Variants in FAM149B1 observed in about 807,000 individuals in gnomAD.
The protein encoded by FAM149B1 is primary cilium assembly protein FAM149B1.
FAM149B1 carries 56 observed loss-of-function variants against 75.3 expected under a neutral mutation model. That is an observed-to-expected ratio of 0.74 (90% CI 0.60 to 0.93). The LOEUF (loss-of-function observed/expected upper bound fraction) is 0.93. Among genes scored for constraint, FAM149B1 ranks in the 40% least tolerant of loss-of-function variants. The pLI, the probability that FAM149B1 is intolerant of heterozygous loss-of-function variation, is 0.00. For missense variants in FAM149B1, 639 were observed against 708.4 expected (o/e 0.90, Z 1.11); for synonymous variants, 259 against 256.1 (o/e 1.01, Z -0.11).
chr10:73,170,039 TATTTA>T (rs201591284), intron 1 of FAM149B1, among the ~76,000 whole-genome samples: 6,831 of 149,130 alleles, frequency 0.046, 452 homozygotes, highest in African/African-American at 0.15. Context: ...AATTATTAAC[TATTTA>T]ATTTATTAAA....
Position 73,244,113 on chromosome 10 carries a change from C to T in FAM149B1, c.*3094C>T. The T allele has an allele frequency of 1.7e-6, 1 of 581,680 alleles. No individual in the cohort carries two copies. The highest frequency in any genetic ancestry group is 3.0e-6 in the Non-Finnish European group (1 of 328,336). 36.0% of individuals were successfully genotyped at this position (581,680 alleles called of 1,614,324 possible). ...CAATGCTGACAGCAAGCAGTAGATC[C>T]TCTGATTCCAATTACCATTTGTTTT... On this transcript the variant is annotated 3_prime_UTR_variant, in exon 14 of 14. Transcript: ENST00000242505.
chr10:73,225,048 T>A (rs1370856184), intron 7 of FAM149B1, among the ~76,000 whole-genome samples: 1 of 152,234 alleles, frequency 6.6e-6, no homozygotes, highest in Non-Finnish European at 1.5e-5. Flanking sequence ...TCATTACTGA[T>A]GTGTTTGTGG....
At position 73,233,046 on chromosome 10, in the gene FAM149B1, C is replaced by A; in HGVS notation, c.1235C>A (p.Thr412Lys). ...TTTAGTACATCATCTCTGTCATACA[C>A]AGTGCAGTCCACCAGGAGACGCAAT... is the stretch of plus-strand genomic sequence containing the variant. ...VEFSTSSLSY[T>K]VQSTRRRNPP... Residue 412 changes from threonine (T) to lysine (K), a missense_variant, in exon 10 of 14, where the codon ACA (threonine) becomes AAA (lysine). Coordinates refer to ENST00000242505, the MANE Select transcript of FAM149B1 (RefSeq NM_173348.2). 2 of 1,551,608 alleles carry A rather than the reference C, an allele frequency of 1.3e-6. No homozygotes were observed. The highest frequency in any genetic ancestry group is 1.7e-4 in the Middle Eastern group (1 of 5,990).
At chr10:73,236,714 T>G (rs555750492) in intron 12 of FAM149B1, among the ~76,000 whole-genome samples, 35 of 149,218 alleles carry the variant, frequency 2.3e-4, no homozygotes, top group African/African-American at 8.7e-4. Context: ...ACCCGGCCTT[T>G]TTTTTCTTTT....
At chr10:73,211,199 T>C (rs2043180064) in intron 7 of FAM149B1, among the ~76,000 whole-genome samples, 1 of 152,190 alleles carries the variant, frequency 6.6e-6, no homozygotes, top group African/African-American at 2.4e-5. Context: ...GTAGGCATGA[T>C]TCAATTGTTG....
rs1436528218 is a variant in FAM149B1 at position 73,174,743 on chromosome 10, A to G, written c.104A>G (p.Glu35Gly). ...CATCCCCCTCCAGAGAAGCTGGAGG[A>G]AATTTCCCCCACCAGTGACAGTCAT... Reference protein sequence around the residue: ...NHHPPPEKLEEISPTSDSHEK... With the variant: ...NHHPPPEKLEGISPTSDSHEK... Residue 35 changes from glutamate to glycine, a missense_variant, in exon 2 of 14, where the codon GAA becomes GGA. Transcript: ENST00000242505. 2 of 1,551,546 alleles carry G rather than the reference A, an allele frequency of 1.3e-6. No individual in the cohort carries two copies.
rs555776624 is a variant in FAM149B1 at position 73,237,731 on chromosome 10, A to AT, written c.1603-1573dup. Among the ~76,000 whole-genome samples, 34 of 151,002 alleles carry AT rather than the reference A, an allele frequency of 2.3e-4. No homozygotes were observed. In the South Asian group the frequency reaches 4.8e-3, roughly 21 times the overall value. On this transcript the variant is annotated intron_variant, in intron 12 of 13. Coordinates refer to ENST00000242505, the MANE Select transcript of FAM149B1 (RefSeq NM_173348.2). ...GCCACCGCTCTCAGCCAAACATTTCATTTTTTTTAAGAGACAAAGTATCTC... is the reference window on the plus strand; with the variant it reads ...GCCACCGCTCTCAGCCAAACATTTCATTTTTTTTTAAGAGACAAAGTATCTC...
intron 5 of FAM149B1, among the ~76,000 whole-genome samples, chr10:73,196,781 A>C (rs1473182990): frequency 1.3e-5 from 2 of 152,148 alleles, no homozygotes; most frequent in Non-Finnish European, 2.9e-5. Flanking sequence ...GACATCTATC[A>C]GTCTCTCTCT....
chr10:73,208,816 TC>T, intron 6 of FAM149B1, 30 bp downstream of exon 6: 1 of 1,361,822 alleles, frequency 7.3e-7, no homozygotes. Flanking sequence ...AGCTTTTTAC[TC>T]CCCTCTTATT....
rs530230127 is a variant in FAM149B1, at chr10:73,241,879, A to G, written c.*860A>G. ...TTAATTCAGCATAAACATATCCTAT[A>G]AACAGCAGGAGAGGTTCAGCTTTCT... On this transcript the variant is annotated 3_prime_UTR_variant, in exon 14 of 14. Transcript: ENST00000242505. 6.6e-6 allele frequency: 1 copy of G among 152,244 alleles called. No homozygotes were observed. The highest frequency in any genetic ancestry group is 1.5e-5 in the Non-Finnish European group (1 of 68,044). 9.4% of individuals were successfully genotyped at this position (152,244 alleles called of 1,614,324 possible).
intron 3 of FAM149B1, among the ~76,000 whole-genome samples, chr10:73,180,580 G>A (rs1273056392): frequency 6.6e-6 from 1 of 151,972 alleles, no homozygotes; most frequent in Non-Finnish European, 1.5e-5. Context: ...CTTTCCTTTT[G>A]GCATTTATAG....
intron 1 of FAM149B1, 99 bp downstream of exon 1, chr10:73,168,485 G>A (rs1843551263): frequency 7.1e-7 from 1 of 1,407,920 alleles, no homozygotes; most frequent in South Asian, 1.3e-5. Flanking sequence ...CCAGGGCTGG[G>A]GAGAGATTTT....
At chr10:73,224,899 T>C (rs1346156326) in intron 7 of FAM149B1, among the ~76,000 whole-genome samples, 1 of 152,184 alleles carries the variant, frequency 6.6e-6, no homozygotes, top group African/African-American at 2.4e-5. Context: ...TGCTGCTGAA[T>C]TGTATACAGT....
At chr10:73,180,104 G>C (rs1487462850) in intron 3 of FAM149B1, among the ~76,000 whole-genome samples, 1 of 152,182 alleles carries the variant, frequency 6.6e-6, no homozygotes, top group Non-Finnish European at 1.5e-5. Context: ...AGTGCTCTAA[G>C]AAAGATGACA....
At chr10:73,168,950 G>C (rs1843576742) in intron 1 of FAM149B1, 1 of 152,210 alleles carries the variant, frequency 6.6e-6, no homozygotes, top group Admixed American at 6.5e-5. Flanking sequence ...CTGCAATTAA[G>C]CACCAGAATC....
intron 3 of FAM149B1, among the ~76,000 whole-genome samples, chr10:73,188,814 G>A: frequency 6.7e-6 from 1 of 148,972 alleles, no homozygotes; most frequent in East Asian, 2.0e-4. Flanking sequence ...AGGAAGGAAA[G>A]GACAGATCAC....
intron 7 of FAM149B1, among the ~76,000 whole-genome samples, chr10:73,211,402 A>G (rs115640642): frequency 9.6e-4 from 147 of 152,350 alleles, no homozygotes; most frequent in African/African-American, 3.4e-3. Flanking sequence ...TACAAAAAAA[A>G]ACACCACTTT....
At chr10:73,192,842 C>A in intron 4 of FAM149B1, 144 bp downstream of exon 4, 1 of 730,978 alleles carries the variant, frequency 1.4e-6, no homozygotes, top group Non-Finnish European at 2.0e-6. Context: ...AAAGCCTTGG[C>A]TAAGAGAAAA....
intron 7 of FAM149B1, among the ~76,000 whole-genome samples, chr10:73,224,187 A>G (rs968180067): frequency 6.6e-6 from 1 of 152,180 alleles, no homozygotes; most frequent in Non-Finnish European, 1.5e-5. Context: ...GGCTGGTGGT[A>G]AAGATTTCAG....
Sources: gnomAD v4.1 joint callset for allele counts (sites outside exome capture counted in the v4.1 genomes callset) on GRCh38, gnomAD v4.1.1 for gene constraint, MANE v1.5 for transcripts, NCBI Gene and HGNC (gene_info 2026-07-23, HGNC 2026-07-21) for gene names.